DGKD: variants seen among roughly 807,000 people sequenced by gnomAD.
The protein encoded by DGKD is diacylglycerol kinase delta.
In DGKD, 68 loss-of-function variants were observed where a neutral mutation model predicts 154.4. That is an observed-to-expected ratio of 0.44 (90% confidence interval 0.36 to 0.54). DGKD has a LOEUF of 0.54. DGKD is among the 20% of genes least tolerant of loss of function. The pLI is 0.00. For missense variants in DGKD, 1,343 were observed against 1,593.6 expected, an observed-to-expected ratio of 0.84 and a Z score of 2.68; for synonymous variants, 693 against 638.0, an observed-to-expected ratio of 1.09 and a Z score of -1.30.
intron 3 of DGKD, among the ~76,000 whole-genome samples, chr2:233,413,964 G>A (rs1049197407): frequency 3.9e-5 from 6 of 152,232 alleles, no homozygotes; most frequent in African/African-American, 1.4e-4. Flanking sequence ...GCCATTGTAA[G>A]CTTGGTTAGT....
chr2:233,469,261 C>T, intron 29 of DGKD, 110 bp from the exon 30 acceptor site: 2 of 901,156 alleles, frequency 2.2e-6, no homozygotes, highest in Non-Finnish European at 3.5e-6. Context: ...TTTTGGCTCT[C>T]ATTTGTGTTC....
intron 12 of DGKD, chr2:233,447,640 G>C: frequency 3.0e-6 from 3 of 1,004,898 alleles, no homozygotes; most frequent in Non-Finnish European, 3.6e-6. Flanking sequence ...GATCCCACAG[G>C]GATAGGGCTG....
intron 24 of DGKD, 27 bp from the exon 25 acceptor site, chr2:233,462,321 T>C (rs1225216688): frequency 6.4e-7 from 1 of 1,572,378 alleles, no homozygotes; most frequent in East Asian, 2.3e-5. Flanking sequence ...TGGCCTGACA[T>C]CTGCCCGTGC....
intron 24 of DGKD, among the ~76,000 whole-genome samples, chr2:233,460,945 C>G (rs1239593554): frequency 6.6e-6 from 1 of 151,878 alleles, no homozygotes; most frequent in Non-Finnish European, 1.5e-5. Flanking sequence ...GAGGGCAGCC[C>G]GCTGACAGCC....
intron 1 of DGKD, among the ~76,000 whole-genome samples, chr2:233,378,136 G>A (rs1159115230): frequency 6.6e-6 from 1 of 151,216 alleles, no homozygotes; most frequent in African/African-American, 2.4e-5. Context: ...ATTTGAGGCC[G>A]GGTGTGGTGG....
intron 3 of DGKD, among the ~76,000 whole-genome samples, chr2:233,433,949 A>C (rs753797174): frequency 6.6e-6 from 1 of 152,218 alleles, no homozygotes; most frequent in Non-Finnish European, 1.5e-5. Flanking sequence ...TATGTGATAC[A>C]TGCTCATGGT....
rs916135300 is a variant in DGKD at position 233,452,291 on chromosome 2, C to A, written c.2264+231C>A. Reference sequence around the variant, plus strand: ...CGCCTCCCATCTCCTTCCCAAGGTCCCACGGTGCTTGCTTGACGTCCCCTG... The same window carrying A: ...CGCCTCCCATCTCCTTCCCAAGGTCACACGGTGCTTGCTTGACGTCCCCTG... On this transcript the variant is annotated intron_variant, in intron 18 of 29. Transcript: ENST00000264057. This position sits in a 1 kb window ranked among gnomAD's most constrained non-coding sequence, Gnocchi z 4.0. 7.9e-5 allele frequency among the ~76,000 whole-genome samples: 12 copies of A among 152,310 alleles called. No individual in the cohort carries two copies. The highest frequency in any genetic ancestry group is 2.6e-4 in the African/African-American group (11 of 41,562).
At chr2:233,418,261 CTGCA>C (rs2062011680) in intron 3 of DGKD, among the ~76,000 whole-genome samples, 1 of 152,188 alleles carries the variant, frequency 6.6e-6, no homozygotes, top group Non-Finnish European at 1.5e-5. Context: ...ATTTTGCCTT[CTGCA>C]TGCTGGTTGA....
chr2:233,423,559 G>T (rs1203268013), intron 3 of DGKD, among the ~76,000 whole-genome samples: 1 of 152,110 alleles, frequency 6.6e-6, no homozygotes, highest in Non-Finnish European at 1.5e-5. Context: ...TGTGCTGTCG[G>T]GGGTGAGGAC....
At chr2:233,380,886 C>T (rs949373725) in intron 1 of DGKD, among the ~76,000 whole-genome samples, 1 of 152,128 alleles carries the variant, frequency 6.6e-6, no homozygotes, top group Non-Finnish European at 1.5e-5. Flanking sequence ...GTCTCTCCTC[C>T]TGTCGGTGGA....
chr2:233,396,866 G>A lies in DGKD; in HGVS notation c.348+6383G>A, dbSNP rs567301756. 2.3e-4 allele frequency among the ~76,000 whole-genome samples: 35 copies of A among 152,054 alleles called. No individual in the cohort carries two copies. The South Asian group carries it at 7.3e-3, about 32-fold the overall frequency. ...ACCACGTGGAGTGTGCAAAGTGGTG[G>A]AAGGGCCAGGGTGGCTGATGGAGGC... On this transcript the variant is annotated intron_variant, in intron 3 of 29. Coordinates refer to ENST00000264057, the MANE Select transcript of DGKD (RefSeq NM_152879.3).
intron 3 of DGKD, among the ~76,000 whole-genome samples, chr2:233,394,691 CTT>C (rs1162430401): frequency 3.8e-5 from 1 of 26,402 alleles, no homozygotes; most frequent in Non-Finnish European, 6.3e-5. Context: ...ATTTAATTCC[CTT>C]TTTTTTTTTT....
intron 17 of DGKD, 84 bp from the exon 18 acceptor site, chr2:233,451,880 G>T: frequency 2.7e-6 from 3 of 1,116,390 alleles, no homozygotes; most frequent in Middle Eastern, 5.1e-4. Flanking sequence ...GCAGAATACC[G>T]GTCCACCAGC....
intron 14 of DGKD, 118 bp from the exon 15 acceptor site, chr2:233,448,985 T>G: frequency 6.1e-6 from 8 of 1,304,272 alleles, no homozygotes; most frequent in Non-Finnish European, 8.3e-6. Flanking sequence ...GCGTGGAGAG[T>G]TAGGATTTTC....
chr2:233,392,230 G>A (rs1703670923), intron 3 of DGKD: 1 of 152,110 alleles, frequency 6.6e-6, no homozygotes, highest in Non-Finnish European at 1.5e-5. Flanking sequence ...TCACCATATT[G>A]GCCAGGCTGG....
intron 26 of DGKD, among the ~76,000 whole-genome samples, chr2:233,463,200 T>C (rs1393699359): frequency 1.3e-5 from 2 of 152,096 alleles, no homozygotes; most frequent in African/African-American, 4.8e-5. Flanking sequence ...TTGATAAAGA[T>C]TGGGCAACTG....
Position 233,441,965 on chromosome 2 carries a change from C to T in DGKD, c.1164C>T (p.Ser388=), listed in dbSNP as rs779385579. 16 of 1,614,072 alleles carry T rather than the reference C, an allele frequency of 9.9e-6. 1 individual carries two copies. The highest frequency in any genetic ancestry group is 1.6e-4 in the Middle Eastern group (1 of 6,084). ...ATGGAAGTGTTGGCTGGGTCCTCTC[C>T]GAAATCGACAGCCTCAACCTTCATA... ...GGDGSVGWVL[S]EIDSLNLHKQ... Residue 388 remains serine, a synonymous_variant, in exon 10 of 30, where the codon TCC becomes TCT. Transcript: ENST00000264057. The surrounding 1 kb of genome is among the most constrained non-coding windows in gnomAD (Gnocchi z 5.6).
intron 1 of DGKD, among the ~76,000 whole-genome samples, chr2:233,356,206 C>G (rs756330411): frequency 1.3e-5 from 2 of 152,190 alleles, no homozygotes; most frequent in Non-Finnish European, 2.9e-5. Flanking sequence ...TTGAACCTTG[C>G]GTCTAGAGCT....
rs1185271276 is a variant in DGKD at position 233,449,315 on chromosome 2, C to T, written c.1827C>T (p.Leu609=). The change falls in exon 15 of 30, where the codon CTC becomes CTT. Residue 609 remains leucine (L), a synonymous_variant. Transcript: ENST00000264057. The surrounding 1 kb of genome is among the most constrained non-coding windows in gnomAD (Gnocchi z 5.3). ...AGATATTCCGGCCTCGAGAACAGCT[C>T]ATGCTGAGAGCCAACAGCCTGAAGA... ...RPQIFRPREQ[L]MLRANSLKKA... The T allele has an allele frequency of 6.2e-7, 1 of 1,611,460 alleles. No individual in the cohort carries two copies. The highest frequency in any genetic ancestry group is 8.5e-7 in the Non-Finnish European group (1 of 1,177,848).
Sources: gnomAD v4.1 joint callset for allele counts (sites outside exome capture counted in the v4.1 genomes callset) on GRCh38, gnomAD v4.1.1 for gene constraint, Gnocchi (gnomAD v3.1) non-coding constraint, MANE v1.5 for transcripts, NCBI Gene and HGNC (gene_info 2026-07-23, HGNC 2026-07-21) for gene names.